The following RELL1 variants were observed in gnomAD, a reference collection of about 807,000 sequenced individuals.
RELL1 encodes RELT like 1, also known as RELT-like protein 1.
Under a neutral mutation model 23.0 loss-of-function variants are expected in RELL1, and 10 were observed. The observed-to-expected ratio is 0.43, with a 90% CI of 0.27 to 0.74. The LOEUF (loss-of-function observed/expected upper bound fraction) is 0.74. Ranked by LOEUF, RELL1 falls within the 30% of genes least tolerant of loss-of-function variation. The pLI is 0.19. For synonymous variants in RELL1, 146 were observed against 146.8 expected, an observed-to-expected ratio of 0.99 and a Z score of 0.04; for missense variants, 315 against 364.4, an observed-to-expected ratio of 0.86 and a Z score of 1.10.
intron 2 of RELL1, among the ~76,000 whole-genome samples, chr4:37,648,090 C>T (rs1202875511): frequency 1.3e-5 from 2 of 152,232 alleles, no homozygotes; most frequent in African/African-American, 2.4e-5. Flanking sequence ...TCCTAGTTCA[C>T]AGAGAATGCA....
At chr4:37,678,783 C>T (rs1307989542) in intron 1 of RELL1, among the ~76,000 whole-genome samples, 1 of 152,224 alleles carries the variant, frequency 6.6e-6, no homozygotes, top group African/African-American at 2.4e-5. Flanking sequence ...TGAGGCAGCT[C>T]AGCCATATTC....
At chr4:37,613,591 C>T (rs1260889982) in intron 6 of RELL1, among the ~76,000 whole-genome samples, 3 of 152,076 alleles carry the variant, frequency 2.0e-5, no homozygotes, top group African/African-American at 4.8e-5. Flanking sequence ...TGTGCCCCTC[C>T]CCCTTTCTCT....
intron 1 of RELL1, among the ~76,000 whole-genome samples, chr4:37,662,689 A>G (rs1721396856): frequency 1.3e-5 from 2 of 152,024 alleles, no homozygotes; most frequent in South Asian, 4.2e-4. Flanking sequence ...CCTACTCCAC[A>G]CTGTCTCGGG....
intron 1 of RELL1, among the ~76,000 whole-genome samples, chr4:37,662,808 C>T (rs1329825817): frequency 1.3e-5 from 2 of 151,978 alleles, no homozygotes; most frequent in African/African-American, 4.8e-5. Context: ...CCCAAAGCTC[C>T]GTCTTGGGAG....
Position 37,605,097 on chromosome 4 carries a change from G to T in RELL1, c.*4-13880C>A, listed in dbSNP as rs564106832. Reference sequence around the variant, plus strand: ...ATAAGAGCCAGGTTTCCTCACTGTTGGAGAAGAAAGTTACAAATAAGGAAA... The same window carrying T: ...ATAAGAGCCAGGTTTCCTCACTGTTTGAGAAGAAAGTTACAAATAAGGAAA... On this transcript the variant is annotated intron_variant, in intron 6 of 6. Transcript: ENST00000314117. Among the ~76,000 whole-genome samples the T allele has an allele frequency of 1.7e-4, 26 of 152,296 alleles. No individual in the cohort carries two copies. The South Asian group carries it at 5.4e-3, about 32-fold the overall frequency.
chr4:37,635,263 GA>G (rs1345736784), intron 4 of RELL1, 140 bp from the exon 5 acceptor site: 2 of 662,252 alleles, frequency 3.0e-6, no homozygotes, highest in Non-Finnish European at 5.2e-6. Context: ...TGGACTTTGT[GA>G]ACAGACCTCA....
chr4:37,634,006 G>A (rs963428383), intron 5 of RELL1, among the ~76,000 whole-genome samples: 1 of 152,252 alleles, frequency 6.6e-6, no homozygotes, highest in South Asian at 2.1e-4. Flanking sequence ...ACTCCAGCAT[G>A]TGTGTTCCTT....
At chr4:37,604,924 CACACACACAG>C (rs1719146604) in intron 6 of RELL1, among the ~76,000 whole-genome samples, 5 of 72,628 alleles carry the variant, frequency 6.9e-5, no homozygotes, top group South Asian at 6.6e-4. Flanking sequence ...CACACAGACA[CACACACACAG>C]ACACACACAT....
chr4:37,637,999 G>A (rs1720392980), intron 4 of RELL1, among the ~76,000 whole-genome samples: 1 of 152,092 alleles, frequency 6.6e-6, no homozygotes, highest in Admixed American at 6.5e-5. Context: ...AACTCAGGGT[G>A]GTCAGTTAAC....
chr4:37,596,695 T>C (rs1163790274), intron 6 of RELL1, among the ~76,000 whole-genome samples: 2 of 119,194 alleles, frequency 1.7e-5, no homozygotes, highest in Non-Finnish European at 3.4e-5. Flanking sequence ...TCTCTGTAAA[T>C]AGACAAAACT....
In RELL1 at chr4:37,612,322, T is replaced by TAAAAAAAA. The variant is rs1553872212; in HGVS notation, c.*1016_*1023dup. 1.4e-4 allele frequency among the ~76,000 whole-genome samples: 12 copies of TAAAAAAAA among 83,504 alleles called. No individual in the cohort carries two copies. Among genetic ancestry groups the TAAAAAAAA allele is most frequent in the African/African-American group, 6.3e-4 (11 of 17,590 alleles). 54.8% of individuals were successfully genotyped at this position (83,504 alleles called of 152,430 possible). A position where few individuals can be genotyped will look rare whatever the true frequency, so the allele number is the denominator to read the frequency against. ...AACCAAGAATCGCTCAGCTAAAGGT[T>TAAAAAAAA]AAAAAAAAAAAAAAAACAAAAAAAA... On this transcript the variant is annotated 3_prime_UTR_variant, in exon 7 of 7. Coordinates refer to ENST00000454158, the MANE Select transcript of RELL1 (RefSeq NM_001085400.2).
At chr4:37,651,458 C>T (rs1340989978) in intron 1 of RELL1, among the ~76,000 whole-genome samples, 2 of 152,196 alleles carry the variant, frequency 1.3e-5, no homozygotes, top group Admixed American at 6.5e-5. Flanking sequence ...GAGGTTCACA[C>T]ACACTGCTCA....
intron 6 of RELL1, among the ~76,000 whole-genome samples, chr4:37,616,917 G>A (rs1020152342): frequency 5.3e-5 from 8 of 152,206 alleles, no homozygotes; most frequent in Admixed American, 2.0e-4. Context: ...TGCGTAGATC[G>A]GCATCTTGGC....
intron 1 of RELL1, among the ~76,000 whole-genome samples, chr4:37,650,977 T>C (rs1030054655): frequency 6.7e-6 from 1 of 149,830 alleles, no homozygotes; most frequent in African/African-American, 2.5e-5. Context: ...GAGGATTGCT[T>C]GAGCCTGCGA....
intron 1 of RELL1, among the ~76,000 whole-genome samples, chr4:37,657,578 C>T (rs774852066): frequency 3.3e-5 from 5 of 152,102 alleles, no homozygotes; most frequent in Non-Finnish European, 5.9e-5. Flanking sequence ...ACAGTTTTTC[C>T]TGAGGCCTTC....
At chr4:37,589,785 C>A (rs944397155), downstream of RELL1, among the ~76,000 whole-genome samples, 1 of 152,162 alleles carries the variant, frequency 6.6e-6, no homozygotes, top group Non-Finnish European at 1.5e-5. Flanking sequence ...GTGCCTACCA[C>A]CTCACCCAGC....
intron 6 of RELL1, among the ~76,000 whole-genome samples, chr4:37,604,830 C>CACACACACAG (rs1560323701): frequency 4.6e-5 from 2 of 43,900 alleles, no homozygotes; most frequent in African/African-American, 1.7e-4. Context: ...CAGACACACA[C>CACACACACAG]ATACACACAG....
At chr4:37,602,221 C>CAAAAAAA (rs11410477) in intron 6 of RELL1, among the ~76,000 whole-genome samples, 2 of 96,682 alleles carry the variant, frequency 2.1e-5, no homozygotes, top group Admixed American at 1.1e-4. Context: ...TGTCTCAAAC[C>CAAAAAAA]AAAAAAAAAA....
intron 1 of RELL1, among the ~76,000 whole-genome samples, chr4:37,653,591 G>GT (rs1560348868): frequency 6.6e-6 from 1 of 150,962 alleles, no homozygotes; most frequent in African/African-American, 2.4e-5. Context: ...ACTGAGACCC[G>GT]TCTCAGATAC....
Sources: allele counts gnomAD v4.1 joint callset (sites outside exome capture counted in the v4.1 genomes callset), GRCh38; gene constraint gnomAD v4.1.1; transcripts MANE v1.5; gene names NCBI Gene and HGNC (gene_info 2026-07-23, HGNC 2026-07-21).